Variants in CEP83 observed in about 807,000 individuals in gnomAD.
The protein encoded by CEP83 is centrosomal protein of 83 kDa.
A neutral mutation model predicts 101.9 loss-of-function variants in CEP83; 70 were observed. The observed-to-expected ratio is 0.69, with a 90% confidence interval of 0.57 to 0.84. CEP83 has a LOEUF of 0.84. CEP83 is among the 40% of genes least tolerant of loss of function. The pLI, the probability that CEP83 is intolerant of heterozygous loss-of-function variation, is 0.00. For missense variants in CEP83, 715 were observed against 787.2 expected (o/e 0.91, Z 1.10); for synonymous variants, 264 against 267.9 (o/e 0.99, Z 0.14).
chr12:94,429,063 A>T (rs1016899125), intron 2 of CEP83, among the ~76,000 whole-genome samples: 3 of 152,208 alleles, frequency 2.0e-5, no homozygotes, highest in Admixed American at 6.5e-5. Flanking sequence ...TGGACTTAAA[A>T]TTTTTTTACC....
rs1169962672 is a variant in CEP83, at chr12:94,414,238, G to C, written c.-101-1647C>G. 3.3e-5 allele frequency among the ~76,000 whole-genome samples: 5 copies of C among 152,264 alleles called. No homozygotes were observed. In the South Asian group the frequency reaches 1.0e-3, roughly 32 times the overall value. ...CCTGCCAAAAGTACACATTTGCCAAGGAATTAATGAATTGCATCATAAAAC... is the reference window on the plus strand; with the variant it reads ...CCTGCCAAAAGTACACATTTGCCAACGAATTAATGAATTGCATCATAAAAC... On this transcript the variant is annotated intron_variant, in intron 2 of 16. Transcript: ENST00000397809.
At chr12:94,383,574 T>C (rs745780433) in intron 6 of CEP83, among the ~76,000 whole-genome samples, 1 of 151,400 alleles carries the variant, frequency 6.6e-6, no homozygotes, top group Admixed American at 6.6e-5. Context: ...TACAGTTAGG[T>C]CATTTTTAAA....
chr12:94,275,711 CG>C, the CEP83 span, among the ~76,000 whole-genome samples: 2 of 130,300 alleles, frequency 1.5e-5, no homozygotes, highest in Non-Finnish European at 3.2e-5. Context: ...AAAAATTAGC[CG>C]GGCGTAGTGG....
the CEP83 span, among the ~76,000 whole-genome samples, chr12:94,291,295 G>A: frequency 6.6e-6 from 1 of 152,180 alleles, no homozygotes; most frequent in African/African-American, 2.4e-5. Context: ...GAGTGCAGTG[G>A]CACAATCGTG....
the CEP83 span, among the ~76,000 whole-genome samples, chr12:94,283,338 A>G: frequency 8.1e-3 from 1,239 of 152,280 alleles, 17 homozygotes; most frequent in African/African-American, 0.028. Context: ...TGCGTGTTAG[A>G]CTAGTCAAAA....
chr12:94,438,080 A>G (rs2066126037), intron 1 of CEP83, among the ~76,000 whole-genome samples: 1 of 152,042 alleles, frequency 6.6e-6, no homozygotes, highest in Non-Finnish European at 1.5e-5. Flanking sequence ...TTACCCAGGC[A>G]TGGTGGCAGG....
intron 2 of CEP83, among the ~76,000 whole-genome samples, chr12:94,420,926 A>C (rs1028483624): frequency 1.3e-5 from 2 of 152,158 alleles, no homozygotes; most frequent in African/African-American, 4.8e-5. Context: ...ATATTACTTG[A>C]TGAGGCTAGT....
At chr12:94,339,355 A>G (rs1295293848) in intron 11 of CEP83, among the ~76,000 whole-genome samples, 1 of 152,184 alleles carries the variant, frequency 6.6e-6, no homozygotes, top group Non-Finnish European at 1.5e-5. Flanking sequence ...ATACTCCAAC[A>G]GTGTTGTCTG....
the CEP83 span, chr12:94,279,832 C>T: frequency 1.4e-6 from 1 of 704,948 alleles, no homozygotes; most frequent in Non-Finnish European, 2.6e-6. Flanking sequence ...CATGGGCATC[C>T]TGATTCTTCG....
intron 12 of CEP83, among the ~76,000 whole-genome samples, 198 bp from the exon 13 acceptor site, chr12:94,333,837 T>C (rs2059342266): frequency 6.6e-6 from 1 of 152,102 alleles, no homozygotes; most frequent in Non-Finnish European, 1.5e-5. Flanking sequence ...TATCAAGAAC[T>C]ATATTCCTCA....
chr12:94,349,284 TCA>T (rs2060093104), intron 11 of CEP83, among the ~76,000 whole-genome samples: 1 of 101,920 alleles, frequency 9.8e-6, no homozygotes, highest in African/African-American at 4.8e-5. Flanking sequence ...AGACTCTGTC[TCA>T]AAAAAAAAAA....
chr12:94,313,606 A>T (rs1454133043), intron 14 of CEP83, among the ~76,000 whole-genome samples: 1 of 151,714 alleles, frequency 6.6e-6, no homozygotes, highest in Non-Finnish European at 1.5e-5. Context: ...TGGGAGGCCG[A>T]GGCGGACAGA....
the CEP83 span, among the ~76,000 whole-genome samples, chr12:94,269,843 T>C: frequency 6.6e-6 from 1 of 152,232 alleles, no homozygotes; most frequent in Non-Finnish European, 1.5e-5. Context: ...AGCTTCCTGA[T>C]CAAAGAGTGA....
chr12:94,414,235 C>A (rs2064109889), intron 2 of CEP83, among the ~76,000 whole-genome samples: 1 of 152,120 alleles, frequency 6.6e-6, no homozygotes, highest in Non-Finnish European at 1.5e-5. Flanking sequence ...ACACATTTGC[C>A]AAGGAATTAA....
chr12:94,319,986 T>A (rs1272208464), intron 14 of CEP83, among the ~76,000 whole-genome samples: 1 of 152,200 alleles, frequency 6.6e-6, no homozygotes, highest in African/African-American at 2.4e-5. Flanking sequence ...GGAGTATAAA[T>A]CTCTTTGTAG....
chr12:94,358,876 A>C (rs1297904230), intron 11 of CEP83, among the ~76,000 whole-genome samples: 2 of 152,214 alleles, frequency 1.3e-5, no homozygotes, highest in African/African-American at 4.8e-5. Context: ...GCCATAAATA[A>C]AATCTCTGCA....
chr12:94,338,917 G>T (rs1258919486), intron 11 of CEP83, among the ~76,000 whole-genome samples: 1 of 151,674 alleles, frequency 6.6e-6, no homozygotes, highest in Non-Finnish European at 1.5e-5. Flanking sequence ...CATGGTCTAG[G>T]TCTTCTGTGG....
intron 1 of CEP83, among the ~76,000 whole-genome samples, chr12:94,448,209 A>G (rs2066950074): frequency 6.6e-6 from 1 of 152,170 alleles, no homozygotes; most frequent in African/African-American, 2.4e-5. Context: ...GAAATATTAC[A>G]GACAAAGGAG....
Position 94,411,796 on chromosome 12 carries a change from A to T in CEP83, c.225T>A (p.Asn75Lys). Reference protein sequence around the residue: ...KLQNELKHLFNEKQTQQEKLQ... With the variant: ...KLQNELKHLFKEKQTQQEKLQ... ...GTTTTTCCTGCTGAGTTTGCTTTTCATTAAACAGGTGCTTGAGTTCATTTT... is the reference window on the plus strand; with the variant it reads ...GTTTTTCCTGCTGAGTTTGCTTTTCTTTAAACAGGTGCTTGAGTTCATTTT... Residue 75 changes from asparagine (N) to lysine (K), a missense_variant, in exon 4 of 17, where the codon AAT becomes AAA. Transcript: ENST00000397809. 3 of 1,613,164 alleles carry T rather than the reference A, an allele frequency of 1.9e-6. No individual in the cohort carries two copies. Among genetic ancestry groups the T allele is most frequent in the Non-Finnish European group, 1.7e-6 (2 of 1,179,610 alleles).
Sources: gnomAD v4.1 joint callset for allele counts (sites outside exome capture counted in the v4.1 genomes callset) on GRCh38, gnomAD v4.1.1 for gene constraint, MANE v1.5 for transcripts, NCBI Gene and HGNC (gene_info 2026-07-23, HGNC 2026-07-21) for gene names.